AQP1: variants seen among roughly 807,000 people sequenced by gnomAD.
AQP1 encodes aquaporin 1 (Colton blood group).
In AQP1, 11 loss-of-function variants were observed where a neutral mutation model predicts 19.7. The observed-to-expected ratio is 0.56, with a 90% CI of 0.35 to 0.92. The LOEUF is 0.92. AQP1 is among the 40% of genes least tolerant of loss of function. The pLI, the probability that AQP1 is intolerant of heterozygous loss-of-function variation, is 0.01. For synonymous variants in AQP1, 159 were observed against 166.7 expected (o/e 0.95, Z 0.36); for missense variants, 320 against 369.7 (o/e 0.87, Z 1.10).
intron 1 of AQP1, among the ~76,000 whole-genome samples, chr7:30,915,429 G>T (rs970078374): frequency 6.6e-6 from 1 of 152,204 alleles, no homozygotes; most frequent in South Asian, 2.1e-4. Flanking sequence ...TTTCGTAGGA[G>T]CCTGAATGTG....
At chr7:30,918,466 G>A (rs935892901) in intron 1 of AQP1, among the ~76,000 whole-genome samples, 10 of 152,296 alleles carry the variant, frequency 6.6e-5, no homozygotes, top group South Asian at 4.2e-4. Context: ...CCATGTCCAC[G>A]TGTGAACACC....
At chr7:30,921,992 G>C (rs1221889380) in intron 1 of AQP1, 74 bp from the exon 2 acceptor site, 1 of 1,602,456 alleles carries the variant, frequency 6.2e-7, no homozygotes, top group East Asian at 2.2e-5. Flanking sequence ...GGGAGGCCTG[G>C]GTATCCTTGG....
Position 30,923,541 on chromosome 7 carries a change from G to T in AQP1, c.722G>T (p.Arg241Leu). The T allele has an allele frequency of 6.2e-7, 1 of 1,614,174 alleles. No homozygotes were observed. Among genetic ancestry groups the T allele is most frequent in the South Asian group, 1.1e-5 (1 of 91,084 alleles). The change falls in exon 4 of 4, where the codon CGC (arginine) becomes CTC (leucine). Residue 241 changes from arginine to leucine, a missense_variant. Physicochemically the swap from Arg to Leu is moderately radical, Grantham distance 102 (BLOSUM62 -2). Transcript: ENST00000311813. This position sits in a 1 kb window ranked among gnomAD's most constrained non-coding sequence, Gnocchi z 4.8. ...CCACGCAGCAGTGACCTCACAGACC[G>T]CGTGAAGGTGTGGACCAGCGGCCAG... ...LAPRSSDLTD[R>L]VKVWTSGQVE...
Position 30,924,178 on chromosome 7 carries a change from A to C in AQP1, c.*549A>C. 8.8e-7 allele frequency: 1 copy of C among 1,130,436 alleles called. No individual in the cohort carries two copies. 70.0% of individuals were successfully genotyped at this position (1,130,436 alleles called of 1,614,324 possible). On this transcript the variant is annotated 3_prime_UTR_variant, in exon 4 of 4. Coordinates refer to ENST00000311813, the MANE Select transcript of AQP1 (RefSeq NM_198098.4). ...CTGACCCGCTCGGACTTACTGCCTGACCTTGGAATCGTCCCTATATCAGGG... is the reference window on the plus strand; with the variant it reads ...CTGACCCGCTCGGACTTACTGCCTGCCCTTGGAATCGTCCCTATATCAGGG...
intron 1 of AQP1, among the ~76,000 whole-genome samples, chr7:30,915,706 C>G (rs1396175668): frequency 5.3e-5 from 8 of 152,204 alleles, no homozygotes; most frequent in Non-Finnish European, 1.5e-5. Flanking sequence ...AATTCCAGGC[C>G]TGACTGCTCA....
chr7:30,915,861 C>T (rs1791334785), intron 1 of AQP1, among the ~76,000 whole-genome samples: 1 of 152,170 alleles, frequency 6.6e-6, no homozygotes, highest in Non-Finnish European at 1.5e-5. Flanking sequence ...GCTGCTGCCT[C>T]CTCCAGAGCT....
chr7:30,922,689 T>C, intron 3 of AQP1, 45 bp downstream of exon 3: 1 of 1,548,814 alleles, frequency 6.5e-7, no homozygotes, highest in Non-Finnish European at 8.9e-7. Context: ...TGGTGTCCCA[T>C]GGTAAGCCTG....
At chr7:30,914,129 C>T (rs1270075687) in intron 1 of AQP1, among the ~76,000 whole-genome samples, 1 of 152,214 alleles carries the variant, frequency 6.6e-6, no homozygotes, top group Admixed American at 6.5e-5. Context: ...ACAGAGGCCA[C>T]ACCAGCCTCC....
At chr7:30,916,868 C>G (rs1160677320) in intron 1 of AQP1, among the ~76,000 whole-genome samples, 1 of 151,876 alleles carries the variant, frequency 6.6e-6, no homozygotes, top group Non-Finnish European at 1.5e-5. Context: ...TAGATGCTTT[C>G]TGGTGAGGAG....
chr7:30,917,941 T>G (rs912975081), intron 1 of AQP1, among the ~76,000 whole-genome samples: 1 of 152,204 alleles, frequency 6.6e-6, no homozygotes, highest in Admixed American at 6.5e-5. Context: ...CATTTATTTT[T>G]AGGCTATGTT....
At position 30,912,301 on chromosome 7, in the gene AQP1, G is replaced by A; in HGVS notation, c.384+8G>A. 8 of 1,598,132 alleles carry A rather than the reference G, an allele frequency of 5.0e-6. No homozygotes were observed. The highest frequency in any genetic ancestry group is 6.8e-6 in the Non-Finnish European group (8 of 1,178,310). On this transcript the variant is annotated splice_region_variant and intron_variant, in intron 1 of 3. Coordinates refer to ENST00000311813, the MANE Select transcript of AQP1 (RefSeq NM_198098.4). This position sits in a 1 kb window ranked among gnomAD's most constrained non-coding sequence, Gnocchi z 4.3. ...TCGCTTGGCCGCAATGACGTGAGTG[G>A]GGTGTCCCTGGGCTTGGGGGGGTTC...
chr7:30,921,739 A>G, intron 1 of AQP1: 1 of 1,550,326 alleles, frequency 6.5e-7, no homozygotes. Context: ...TGGTCTTGGT[A>G]CCCCAGAATA....
intron 1 of AQP1, among the ~76,000 whole-genome samples, chr7:30,919,529 G>A (rs935838308): frequency 1.3e-5 from 2 of 149,628 alleles, no homozygotes; most frequent in Non-Finnish European, 3.0e-5. Flanking sequence ...ATTGAGAATT[G>A]AGAATTGAGA....
In AQP1 at chr7:30,923,620, G is replaced by T. The variant is rs778613724; in HGVS notation, c.801G>T (p.Lys267Asn). The T allele has an allele frequency of 6.5e-7, 1 of 1,535,848 alleles. No individual in the cohort carries two copies. Among genetic ancestry groups the T allele is most frequent in the Non-Finnish European group, 8.8e-7 (1 of 1,142,678 alleles). The change falls in exon 4 of 4, where the codon AAG becomes AAT. Residue 267 changes from lysine to asparagine, a missense_variant. Lys to Asn is a moderately conservative substitution (Grantham distance 94). Coordinates refer to ENST00000311813, the MANE Select transcript of AQP1 (RefSeq NM_198098.4). This position sits in a 1 kb window ranked among gnomAD's most constrained non-coding sequence, Gnocchi z 4.8. ...ACATCAACTCCAGGGTGGAGATGAA[G>T]CCCAAATAGAAGGGGTCTGGCCCGG... is the stretch of plus-strand genomic sequence containing the variant. ...ADDINSRVEM[K>N]PK
chr7:30,922,522 ACT>A (rs1562580479), intron 2 of AQP1, 40 bp from the exon 3 acceptor site: 1 of 1,563,304 alleles, frequency 6.4e-7, no homozygotes, highest in Non-Finnish European at 8.8e-7. Flanking sequence ...TTCACCTATG[ACT>A]CTCTGCCTTC....
At chr7:30,922,832 C>T (rs77702304) in intron 3 of AQP1, among the ~76,000 whole-genome samples, 188 bp downstream of exon 3, 1 of 152,216 alleles carries the variant, frequency 6.6e-6, no homozygotes, top group Non-Finnish European at 1.5e-5. Flanking sequence ...CAGGCCTAGT[C>T]TCTGCCCTCC....
chr7:30,921,458 C>G, intron 1 of AQP1: 1 of 1,465,368 alleles, frequency 6.8e-7, no homozygotes, highest in Non-Finnish European at 9.0e-7. Context: ...AGGCCTTGGA[C>G]CAAGGAAAGA....
Position 30,923,265 on chromosome 7 carries a change from T to A in AQP1, c.631-185T>A, listed in dbSNP as rs945649868. ...GAGGCAAGGAGTTGACCCTACCACG[T>A]ACTCTGGCCTGGGCCGGTTCTGAGG... On this transcript the variant is annotated intron_variant, in intron 3 of 3. Transcript: ENST00000311813. The surrounding 1 kb of genome is among the most constrained non-coding windows in gnomAD (Gnocchi z 4.8). 2.6e-5 allele frequency among the ~76,000 whole-genome samples: 4 copies of A among 152,238 alleles called. No individual in the cohort carries two copies. Among genetic ancestry groups the A allele is most frequent in the Admixed American group, 1.3e-4 (2 of 15,290 alleles).
At chr7:30,919,367 C>G (rs904380673) in intron 1 of AQP1, among the ~76,000 whole-genome samples, 4 of 152,136 alleles carry the variant, frequency 2.6e-5, no homozygotes, top group African/African-American at 9.7e-5. Flanking sequence ...CTGGTGGGGT[C>G]TGAACTGGGC....
Sources: allele counts gnomAD v4.1 joint callset (sites outside exome capture counted in the v4.1 genomes callset), GRCh38; gene constraint gnomAD v4.1.1; non-coding constraint Gnocchi (gnomAD v3.1); transcripts MANE v1.5; gene names NCBI Gene and HGNC (gene_info 2026-07-23, HGNC 2026-07-21).